The following NLGN1 variants were observed in gnomAD, a reference collection of about 807,000 sequenced individuals.
NLGN1 encodes the protein neuroligin 1.
A neutral mutation model predicts 65.5 loss-of-function variants in NLGN1; 12 were observed. The ratio of observed to expected loss-of-function variants is 0.18; its 90% confidence interval spans 0.12 to 0.30. NLGN1 has a LOEUF of 0.30. Among genes scored for constraint, NLGN1 ranks in the 10% least tolerant of loss-of-function variants. The pLI is 1.00. For missense variants in NLGN1, 750 were observed against 1,007.1 expected, an observed-to-expected ratio of 0.74 and a Z score of 3.46; for synonymous variants, 350 against 359.5, an observed-to-expected ratio of 0.97 and a Z score of 0.30.
intron 2 of NLGN1, among the ~76,000 whole-genome samples, chr3:173,577,319 T>C (rs921657531): frequency 9.9e-5 from 15 of 152,230 alleles, no homozygotes; most frequent in African/African-American, 3.6e-4. Flanking sequence ...ACATAAACCA[T>C]CTATCCTCAT....
intron 4 of NLGN1, among the ~76,000 whole-genome samples, chr3:174,037,221 A>G (rs1731329231): frequency 6.6e-6 from 1 of 152,100 alleles, no homozygotes; most frequent in African/African-American, 2.4e-5. Context: ...CCCACCAACA[A>G]TGTATAAGTG....
intron 3 of NLGN1, among the ~76,000 whole-genome samples, chr3:173,768,292 CTCT>C (rs946474367): frequency 3.3e-5 from 5 of 152,160 alleles, no homozygotes; most frequent in Admixed American, 2.0e-4. Context: ...CTTCATGAAG[CTCT>C]TCTTCTCCAA....
intron 3 of NLGN1, among the ~76,000 whole-genome samples, chr3:173,723,576 G>C (rs1027991003): frequency 2.6e-5 from 4 of 152,066 alleles, no homozygotes; most frequent in Non-Finnish European, 5.9e-5. Flanking sequence ...TGATGACCAA[G>C]TTTGTTCATA....
chr3:173,552,125 T>A (rs909666207), intron 2 of NLGN1, among the ~76,000 whole-genome samples: 3 of 152,278 alleles, frequency 2.0e-5, no homozygotes, highest in African/African-American at 7.2e-5. Context: ...ATGAGAAAAT[T>A]TCTGCAGTAT....
intron 2 of NLGN1, among the ~76,000 whole-genome samples, chr3:173,562,082 A>G (rs1430854264): frequency 6.6e-6 from 1 of 152,200 alleles, no homozygotes; most frequent in African/African-American, 2.4e-5. Flanking sequence ...AGACAGCAAG[A>G]ATAACGTGAG....
At chr3:173,449,553 G>C (rs1162935315) in intron 2 of NLGN1, among the ~76,000 whole-genome samples, 1 of 152,178 alleles carries the variant, frequency 6.6e-6, no homozygotes, top group Non-Finnish European at 1.5e-5. Flanking sequence ...ATTTGGGGTG[G>C]AGAGTTCTGT....
chr3:173,493,763 C>T (rs142133364), intron 2 of NLGN1, among the ~76,000 whole-genome samples: 56 of 151,768 alleles, frequency 3.7e-4, no homozygotes, highest in Non-Finnish European at 5.7e-4. Flanking sequence ...TTTAGATAGT[C>T]AACAACTATT....
intron 3 of NLGN1, among the ~76,000 whole-genome samples, chr3:173,716,933 C>G (rs1250346034): frequency 1.3e-5 from 2 of 152,124 alleles, no homozygotes; most frequent in Admixed American, 1.3e-4. Context: ...TTTATCCTGA[C>G]ACATTAATCA....
chr3:174,038,926 C>A (rs1353467374), intron 4 of NLGN1, among the ~76,000 whole-genome samples: 3 of 152,156 alleles, frequency 2.0e-5, no homozygotes, highest in African/African-American at 7.2e-5. Context: ...CCACAGTAAC[C>A]AGTGATGCTT....
At chr3:173,626,969 T>C (rs1056720404) in intron 3 of NLGN1, among the ~76,000 whole-genome samples, 15 of 152,072 alleles carry the variant, frequency 9.9e-5, no homozygotes, top group Admixed American at 9.8e-4. Flanking sequence ...AGGAAGTGAC[T>C]TTCAAGTCAC....
intron 3 of NLGN1, chr3:173,789,760 C>T (rs1288423527): frequency 2.2e-6 from 1 of 447,984 alleles, no homozygotes; most frequent in East Asian, 6.9e-5. Flanking sequence ...GTACGGTGTT[C>T]CACACTCCGC....
chr3:173,604,614 T>A, exon 3 of NLGN1: 2 of 1,613,500 alleles, frequency 1.2e-6, no homozygotes, highest in East Asian at 2.2e-5. Flanking sequence ...ACTGCCCAGA[T>A]GCACGTGGCC....
chr3:173,922,410 G>A (rs992393018), intron 4 of NLGN1, among the ~76,000 whole-genome samples: 1 of 151,944 alleles, frequency 6.6e-6, no homozygotes, highest in Admixed American at 6.6e-5. Flanking sequence ...ACTTTGCTAA[G>A]AAATATAGCT....
chr3:173,413,002 A>T (rs962332909), intron 1 of NLGN1, among the ~76,000 whole-genome samples: 7 of 152,200 alleles, frequency 4.6e-5, no homozygotes, highest in African/African-American at 1.7e-4. Context: ...AAAGGAGGGA[A>T]TAAGAAAGAT....
intron 4 of NLGN1, among the ~76,000 whole-genome samples, chr3:174,194,699 T>C (rs933217256): frequency 6.7e-6 from 1 of 150,006 alleles, no homozygotes; most frequent in Non-Finnish European, 1.5e-5. Flanking sequence ...TGTGTGTATA[T>C]ATATATAGAC....
intron 2 of NLGN1, among the ~76,000 whole-genome samples, chr3:173,502,087 C>A (rs1306615109): frequency 6.6e-6 from 1 of 152,074 alleles, no homozygotes; most frequent in Non-Finnish European, 1.5e-5. Context: ...TATGTTAAGT[C>A]ACACTGTAAT....
chr3:174,125,244 A>G (rs962464526), intron 4 of NLGN1, among the ~76,000 whole-genome samples: 1 of 152,140 alleles, frequency 6.6e-6, no homozygotes, highest in Non-Finnish European at 1.5e-5. Context: ...TAGGTGAAGA[A>G]AAAGAAAGTA....
At chr3:173,718,970 A>G (rs1168447561) in intron 3 of NLGN1, among the ~76,000 whole-genome samples, 2 of 152,174 alleles carry the variant, frequency 1.3e-5, no homozygotes, top group East Asian at 3.8e-4. Context: ...GAACTAACAT[A>G]ATGAAATCCA....
Position 173,490,467 on chromosome 3 carries a change from A to G in NLGN1, c.-321+55389A>G, listed in dbSNP as rs528242274. On this transcript the variant is annotated intron_variant, in intron 2 of 6. Coordinates refer to ENST00000457714, the Ensembl canonical transcript of NLGN1. ...CATTGGTCTATATCTCTGTTTTGGT[A>G]CCAGTACCATGCTGTTTTGGTTACT... 9.5e-3 allele frequency among the ~76,000 whole-genome samples: 1,442 copies of G among 152,290 alleles called. 11 individuals are homozygous for G. Among genetic ancestry groups the G allele is most frequent in the Middle Eastern group, 0.024 (7 of 294 alleles).
Sources: gnomAD v4.1 joint callset for allele counts (sites outside exome capture counted in the v4.1 genomes callset) on GRCh38, gnomAD v4.1.1 for gene constraint, MANE v1.5 for transcripts, NCBI Gene and HGNC (gene_info 2026-07-23, HGNC 2026-07-21) for gene names.